Variants in RTN4IP1 observed in about 807,000 individuals in gnomAD.
RTN4IP1 encodes the protein reticulon 4 interacting protein 1, also known as NAD(P)H oxidoreductase RTN4IP1, mitochondrial.
In RTN4IP1, 32 loss-of-function variants were observed where a neutral mutation model predicts 46.6. The observed-to-expected ratio is 0.69, with a 90% CI of 0.52 to 0.92. The LOEUF is 0.92. RTN4IP1 is among the 40% of genes least tolerant of loss of function. The pLI is 0.00. For synonymous variants in RTN4IP1, 167 were observed against 161.8 expected (o/e 1.03, Z -0.24); for missense variants, 424 against 485.8 (o/e 0.87, Z 1.20).
chr6:106,590,995 C>T (rs1775646955), intron 6 of RTN4IP1, among the ~76,000 whole-genome samples: 1 of 152,140 alleles, frequency 6.6e-6, no homozygotes, highest in Non-Finnish European at 1.5e-5. Flanking sequence ...TATTATTAAG[C>T]ACCTACTACA....
chr6:106,592,382 AC>A, intron 5 of RTN4IP1, 82 bp from the exon 6 acceptor site: 1 of 1,395,806 alleles, frequency 7.2e-7, no homozygotes, highest in Non-Finnish European at 9.8e-7. Context: ...AATCATTGGC[AC>A]CATGTATACA....
chr6:106,581,662 C>T (rs1478241651), intron 8 of RTN4IP1, among the ~76,000 whole-genome samples: 1 of 152,214 alleles, frequency 6.6e-6, no homozygotes, highest in Non-Finnish European at 1.5e-5. Flanking sequence ...GAGAATACTT[C>T]AAGGACATCT....
chr6:106,603,246 G>C (rs550684528), intron 4 of RTN4IP1, among the ~76,000 whole-genome samples: 1 of 152,270 alleles, frequency 6.6e-6, no homozygotes, highest in East Asian at 1.9e-4. Flanking sequence ...AATTGTTAGA[G>C]CTTCCTCTAT....
At chr6:106,618,944 G>C (rs539952684) in intron 4 of RTN4IP1, among the ~76,000 whole-genome samples, 4 of 152,088 alleles carry the variant, frequency 2.6e-5, no homozygotes, top group African/African-American at 2.4e-5. Context: ...ATTTTAGAAG[G>C]TTCTGACTCC....
intron 6 of RTN4IP1, among the ~76,000 whole-genome samples, chr6:106,591,764 T>C (rs375912835): frequency 2.0e-5 from 3 of 152,158 alleles, no homozygotes; most frequent in Non-Finnish European, 4.4e-5. Context: ...CTGTTTCTCT[T>C]AAGCCTTTTT....
intron 7 of RTN4IP1, among the ~76,000 whole-genome samples, chr6:106,584,610 T>A (rs978200496): frequency 6.6e-6 from 1 of 152,250 alleles, no homozygotes; most frequent in Admixed American, 6.5e-5. Flanking sequence ...CCATTTCCTG[T>A]AGAATGGTGG....
At chr6:106,592,428 G>C in intron 5 of RTN4IP1, 128 bp from the exon 6 acceptor site, 1 of 946,220 alleles carries the variant, frequency 1.1e-6, no homozygotes. Flanking sequence ...CTTTAAGTAC[G>C]TCATCTTAAC....
chr6:106,625,644 GCTTTTTT>G (rs1412141149), intron 1 of RTN4IP1, among the ~76,000 whole-genome samples: 1 of 149,720 alleles, frequency 6.7e-6, no homozygotes, highest in African/African-American at 2.5e-5. Flanking sequence ...CTTTTGAGTG[GCTTTTTT>G]CTTTTTTTTC....
chr6:106,587,403 A>G (rs1255837838), intron 7 of RTN4IP1, among the ~76,000 whole-genome samples: 5 of 152,238 alleles, frequency 3.3e-5, no homozygotes, highest in African/African-American at 1.2e-4. Flanking sequence ...GGACTACTTC[A>G]TTTGATCCTT....
chr6:106,571,918 G>T lies in RTN4IP1; in HGVS notation c.*78C>A. The stretch of plus-strand genomic sequence containing the variant: ...ATCTAATCTGGAAAAATGTTTGAAA[G>T]GGATGGCTAGAAAAAAATTTGGGCT... On this transcript the variant is annotated 3_prime_UTR_variant, in exon 9 of 9. Coordinates refer to ENST00000369063, the MANE Select transcript of RTN4IP1 (RefSeq NM_032730.5). 1.1e-6 allele frequency: 1 copy of T among 879,158 alleles called. No individual in the cohort carries two copies. The highest frequency in any genetic ancestry group is 1.4e-5 in the South Asian group (1 of 70,696). The allele number at this position is 879,158 out of a possible 1,614,324, so 54.5% of individuals were successfully genotyped here. A position where few individuals can be genotyped will look rare whatever the true frequency, so the allele number is the denominator to read the frequency against.
Position 106,585,402 on chromosome 6 carries a change from A to G in RTN4IP1, c.991-1982T>C, listed in dbSNP as rs949743482. Reference sequence around the variant, plus strand: ...TCCCAAGCTTACTGTGGATCCAGTAAATGACAATCACAGAAGATCTGTTCA... The same window carrying G: ...TCCCAAGCTTACTGTGGATCCAGTAGATGACAATCACAGAAGATCTGTTCA... On this transcript the variant is annotated intron_variant, in intron 7 of 8. Coordinates refer to ENST00000369063, the MANE Select transcript of RTN4IP1 (RefSeq NM_032730.5). 2.0e-5 allele frequency among the ~76,000 whole-genome samples: 3 copies of G among 151,948 alleles called. No homozygotes were observed. In the South Asian group the frequency reaches 6.2e-4, roughly 31 times the overall value.
chr6:106,583,216 G>A, intron 8 of RTN4IP1, 112 bp downstream of exon 8: 1 of 769,556 alleles, frequency 1.3e-6, no homozygotes, highest in Non-Finnish European at 2.2e-6. Context: ...CACAAGGTCA[G>A]GTGAGCAGGC....
intron 5 of RTN4IP1, among the ~76,000 whole-genome samples, chr6:106,596,067 C>T (rs565547673): frequency 5.3e-5 from 8 of 152,294 alleles, no homozygotes; most frequent in Admixed American, 5.2e-4. Flanking sequence ...CAAACTGTTA[C>T]ATCTTTGGGC....
intron 1 of RTN4IP1, among the ~76,000 whole-genome samples, chr6:106,627,880 C>T (rs1472497781): frequency 6.9e-6 from 1 of 144,276 alleles, no homozygotes; most frequent in Non-Finnish European, 1.5e-5. Flanking sequence ...AGCCTCCCAC[C>T]AACACAGTGA....
At position 106,587,677 on chromosome 6, in the gene RTN4IP1, AC is replaced by A. The variant is rs1443614817; in HGVS notation, c.990+1del. On this transcript the variant is annotated splice_donor_variant, in intron 7 of 8. Transcript: ENST00000369063. LOFTEE classifies it high-confidence loss of function. ...GTCACCAACCAAGACCCTTCTTCCT[AC>A]CTTTAATGCCTTTGAACCTACAGTG... is the stretch of plus-strand genomic sequence containing the variant. 6.2e-7 allele frequency: 1 copy of A among 1,604,804 alleles called. No individual in the cohort carries two copies. Among genetic ancestry groups the A allele is most frequent in the Non-Finnish European group, 8.5e-7 (1 of 1,174,508 alleles).
At chr6:106,597,818 T>C (rs1212463570) in intron 5 of RTN4IP1, among the ~76,000 whole-genome samples, 1 of 152,040 alleles carries the variant, frequency 6.6e-6, no homozygotes, top group Non-Finnish European at 1.5e-5. Context: ...TAGCATTAGG[T>C]ATATCTCCCA....
intron 4 of RTN4IP1, among the ~76,000 whole-genome samples, chr6:106,605,346 A>G (rs1026277714): frequency 7.2e-5 from 11 of 151,952 alleles, no homozygotes; most frequent in African/African-American, 2.7e-4. Context: ...GAATCGTTTG[A>G]ACCCAAGAGG....
At chr6:106,584,868 T>C (rs1276389044) in intron 7 of RTN4IP1, among the ~76,000 whole-genome samples, 3 of 152,230 alleles carry the variant, frequency 2.0e-5, no homozygotes, top group Admixed American at 6.5e-5. Flanking sequence ...CTATAGATTA[T>C]CGTCTAACCC....
chr6:106,608,707 A>G (rs1385258053), intron 4 of RTN4IP1, among the ~76,000 whole-genome samples: 1 of 152,258 alleles, frequency 6.6e-6, no homozygotes, highest in East Asian at 1.9e-4. Context: ...ACTCAGTTAT[A>G]GAACCTTCAG....
Sources: gnomAD v4.1 joint callset for allele counts (sites outside exome capture counted in the v4.1 genomes callset) on GRCh38, gnomAD v4.1.1 for gene constraint, MANE v1.5 for transcripts, NCBI Gene and HGNC (gene_info 2026-07-23, HGNC 2026-07-21) for gene names.